Variants in MPDZ observed in about 807,000 individuals in gnomAD.
MPDZ encodes the protein multiple PDZ domain crumbs cell polarity complex component, also known as multiple PDZ domain protein.
Under a neutral mutation model 239.1 loss-of-function variants are expected in MPDZ, and 234 were observed. The observed-to-expected ratio is 0.98, with a 90% CI of 0.88 to 1.09. MPDZ has a LOEUF of 1.09. MPDZ is among the 50% of genes least tolerant of loss of function. The pLI is 0.00. For synonymous variants in MPDZ, 1,048 were observed against 881.3 expected (o/e 1.19, Z -3.35); for missense variants, 3,175 against 2,510.0 (o/e 1.26, Z -5.66).
chr9:13,197,199 C>G (rs1353213974), intron 12 of MPDZ, among the ~76,000 whole-genome samples: 1 of 151,490 alleles, frequency 6.6e-6, no homozygotes, highest in African/African-American at 2.4e-5. Context: ...GACTAGCCTC[C>G]CCAAATAAGT....
chr9:13,205,228 CT>C (rs1246494074), intron 11 of MPDZ, 121 bp from the exon 12 acceptor site: 3 of 519,040 alleles, frequency 5.8e-6, no homozygotes, highest in Admixed American at 8.2e-5. Flanking sequence ...AGATAAACTT[CT>C]CAATAACTAT....
intron 21 of MPDZ, among the ~76,000 whole-genome samples, chr9:13,169,722 G>C (rs1440127861): frequency 1.3e-5 from 2 of 152,112 alleles, no homozygotes; most frequent in Non-Finnish European, 2.9e-5. Context: ...TCCTGTTATA[G>C]TAATACACAA....
At chr9:13,149,502 CAGG>C (rs1400906275) in intron 25 of MPDZ, among the ~76,000 whole-genome samples, 2 of 152,032 alleles carry the variant, frequency 1.3e-5, no homozygotes, top group African/African-American at 4.8e-5. Flanking sequence ...AAATCTAGGT[CAGG>C]TACTCCTTTC....
rs1009668158 is a variant in MPDZ at position 13,188,803 on chromosome 9, C to T, written c.2345G>A (p.Gly782Glu). 2 of 1,613,226 alleles carry T rather than the reference C, an allele frequency of 1.2e-6. No homozygotes were observed. The highest frequency in any genetic ancestry group is 1.7e-6 in the Non-Finnish European group (2 of 1,179,384). ...KGAPSGTVRI[G>E]VAKPLPLSPE... ...TCTTACGGGTAAAGGCTTAGCAACT[C>T]CTATTCTCACAGTCCCTGACGGTGC... The change falls in exon 17 of 47, where the codon GGA (glycine) becomes GAA (glutamate). Residue 782 changes from glycine (G) to glutamate (E), a missense_variant. Transcript: ENST00000319217.
chr9:13,191,325 C>T (rs551306460), intron 15 of MPDZ, among the ~76,000 whole-genome samples: 1 of 152,110 alleles, frequency 6.6e-6, no homozygotes, highest in Non-Finnish European at 1.5e-5. Flanking sequence ...ATTCAATATA[C>T]TATAAATCAA....
intron 2 of MPDZ, 118 bp downstream of exon 2, chr9:13,250,182 T>G: frequency 1.1e-6 from 1 of 937,846 alleles, no homozygotes; most frequent in South Asian, 1.8e-5. Context: ...AGGTAAAAAC[T>G]TTTTAAATCT....
At chr9:13,184,853 A>C (rs1953877217) in intron 18 of MPDZ, among the ~76,000 whole-genome samples, 1 of 152,008 alleles carries the variant, frequency 6.6e-6, no homozygotes, top group South Asian at 2.1e-4. Flanking sequence ...GACCAGTCCA[A>C]GATTACTTAG....
intron 12 of MPDZ, among the ~76,000 whole-genome samples, chr9:13,201,410 T>G (rs1442695853): frequency 6.6e-6 from 1 of 152,028 alleles, no homozygotes; most frequent in African/African-American, 2.4e-5. Flanking sequence ...TTCCTCTTTG[T>G]ATTGAATATA....
intron 36 of MPDZ, among the ~76,000 whole-genome samples, chr9:13,122,523 CTT>C (rs1193402258): frequency 5.7e-5 from 8 of 141,090 alleles, no homozygotes; most frequent in Admixed American, 7.1e-5. Context: ...TTTTCAAACT[CTT>C]TTTTTTTTTT....
chr9:13,115,479 T>C (rs963071030), intron 39 of MPDZ, 145 bp from the exon 40 acceptor site: 5 of 655,982 alleles, frequency 7.6e-6, no homozygotes, highest in South Asian at 5.7e-5. Flanking sequence ...CTCCAATCCC[T>C]TGTGGAAAAT....
At chr9:13,178,605 A>C (rs1250859470) in intron 19 of MPDZ, among the ~76,000 whole-genome samples, 1 of 152,238 alleles carries the variant, frequency 6.6e-6, no homozygotes, top group Non-Finnish European at 1.5e-5. Context: ...GATCAAGAGC[A>C]TAAAGCATAT....
At chr9:13,207,240 G>A (rs1957106467) in intron 10 of MPDZ, among the ~76,000 whole-genome samples, 1 of 152,022 alleles carries the variant, frequency 6.6e-6, no homozygotes, top group South Asian at 2.1e-4. Context: ...AAATGTCCCG[G>A]TGATCTTTCC....
chr9:13,188,759 G>A, intron 17 of MPDZ, 25 bp downstream of exon 17: 3 of 1,593,868 alleles, frequency 1.9e-6, no homozygotes, highest in Non-Finnish European at 2.6e-6. Context: ...AATATAAAGG[G>A]AAGCAATAAA....
rs762432193 is a variant in MPDZ, at chr9:13,193,277, A to G, written c.1693T>C (p.Leu565=). ...ACTGTCGCTTCCAGGCTTATCCCCA[A>G]TCCACTGTTCTCACTAAACTTGCTC... ...HVSKFSENSG[L]GISLEATVGH... The change falls in exon 14 of 47, where the codon TTG becomes CTG. Residue 565 remains leucine, a synonymous_variant. Transcript: ENST00000319217. 2.5e-6 allele frequency: 4 copies of G among 1,612,208 alleles called. No homozygotes were observed. The highest frequency in any genetic ancestry group is 1.1e-5 in the South Asian group (1 of 90,882).
At chr9:13,265,731 A>AT (rs1414803051) in intron 1 of MPDZ, among the ~76,000 whole-genome samples, 8 of 152,122 alleles carry the variant, frequency 5.3e-5, no homozygotes, top group African/African-American at 1.9e-4. Context: ...CAGGGACAGG[A>AT]TTTTCATTGA....
chr9:13,196,163 C>A lies in MPDZ; in HGVS notation c.1614G>T (p.Leu538=). 1 of 1,603,404 alleles carries A rather than the reference C, an allele frequency of 6.2e-7. No individual in the cohort carries two copies. The highest frequency in any genetic ancestry group is 1.1e-5 in the South Asian group (1 of 89,170). ...EDAQKQEAAL[L]TKWQRIMGIN... is the part of the protein sequence containing the mutation. Reference sequence around the variant, plus strand: ...TTCCCATAATCCTTTGCCATTTTGTCAGCAGAGCAGCTTCTTGTTTTTGTG... The same window carrying A: ...TTCCCATAATCCTTTGCCATTTTGTAAGCAGAGCAGCTTCTTGTTTTTGTG... Residue 538 remains leucine, a synonymous_variant, in exon 13 of 47, where the codon CTG becomes CTT. Transcript: ENST00000319217.
Position 13,185,963 on chromosome 9 carries a change from C to A in MPDZ, c.2481+307G>T, listed in dbSNP as rs559668067. ...AATATTGAGCACAGTTAAAGAATGCCTAGAGATATCTAAGCGTGAAATTGG... is the reference window on the plus strand; with the variant it reads ...AATATTGAGCACAGTTAAAGAATGCATAGAGATATCTAAGCGTGAAATTGG... On this transcript the variant is annotated intron_variant, in intron 18 of 46. Transcript: ENST00000319217. Among the ~76,000 whole-genome samples, 8 of 152,096 alleles carry A rather than the reference C, an allele frequency of 5.3e-5. No homozygotes were observed. The South Asian group carries it at 1.4e-3, about 28-fold the overall frequency.
chr9:13,178,015 G>C (rs149150422), intron 19 of MPDZ, among the ~76,000 whole-genome samples: 1 of 152,072 alleles, frequency 6.6e-6, no homozygotes, highest in Admixed American at 6.5e-5. Flanking sequence ...GGGTCTCATC[G>C]TGATGGTCTT....
At chr9:13,240,580 T>TAAAAAAAAAAAAAAAA (rs71331533) in intron 3 of MPDZ, among the ~76,000 whole-genome samples, 46 of 43,994 alleles carry the variant, frequency 1.0e-3, no homozygotes, top group African/African-American at 2.0e-3. Flanking sequence ...ATAATAAAAG[T>TAAAAAAAAAAAAAAAA]AAAAAAAAAA....
Sources: gnomAD v4.1 joint callset for allele counts (sites outside exome capture counted in the v4.1 genomes callset) on GRCh38, gnomAD v4.1.1 for gene constraint, MANE v1.5 for transcripts, NCBI Gene and HGNC (gene_info 2026-07-23, HGNC 2026-07-21) for gene names.